NCOA1: variants seen among roughly 807,000 people sequenced by gnomAD.
NCOA1 encodes the protein nuclear receptor coactivator 1, also known as Hin-2 protein.
A neutral mutation model predicts 150.9 loss-of-function variants in NCOA1; 35 were observed. The ratio of observed to expected loss-of-function variants is 0.23; its 90% CI spans 0.18 to 0.31. The LOEUF is 0.31. Ranked by LOEUF, NCOA1 falls within the 10% of genes least tolerant of loss-of-function variation. NCOA1 has a pLI of 1.00. For missense variants in NCOA1, 1,491 were observed against 1,749.3 expected (o/e 0.85, Z 2.63); for synonymous variants, 590 against 630.0 (o/e 0.94, Z 0.95).
intron 7 of NCOA1, 112 bp downstream of exon 7, chr2:24,673,575 G>C: frequency 3.4e-6 from 2 of 593,104 alleles, no homozygotes; most frequent in East Asian, 7.0e-5. Context: ...ACAAAGTAAA[G>C]AACTTTTTAT....
chr2:24,684,820 A>G (rs952565133), intron 8 of NCOA1, among the ~76,000 whole-genome samples: 3 of 152,202 alleles, frequency 2.0e-5, no homozygotes, highest in African/African-American at 4.8e-5. Flanking sequence ...AACCAATGAG[A>G]TGGTCCCACC....
chr2:24,582,104 C>T (rs909086673), intron 2 of NCOA1, among the ~76,000 whole-genome samples: 1 of 152,096 alleles, frequency 6.6e-6, no homozygotes, highest in Non-Finnish European at 1.5e-5. Flanking sequence ...AAGTCTTAGC[C>T]AGAGCAAATA....
Position 24,770,172 on chromosome 2 carries a change from TC to T in NCOA1, c.*1784del, listed in dbSNP as rs1177211744. 1 of 231,624 alleles carries T rather than the reference TC, an allele frequency of 4.3e-6. No homozygotes were observed. Among genetic ancestry groups the T allele is most frequent in the Non-Finnish European group, 8.6e-6 (1 of 116,846 alleles). 14.3% of individuals were successfully genotyped at this position (231,624 alleles called of 1,614,324 possible). A position where few individuals can be genotyped will look rare whatever the true frequency, so the allele number is the denominator to read the frequency against. Reference sequence around the variant, plus strand: ...CTCCTTTAGTTTTTCAGAAAATGCATCCCTGATTTCATTCATTTCCAGCTTG... The same window carrying T: ...CTCCTTTAGTTTTTCAGAAAATGCATCCTGATTTCATTCATTTCCAGCTTG... On this transcript the variant is annotated 3_prime_UTR_variant, in exon 23 of 23. Coordinates refer to ENST00000348332, the MANE Select transcript of NCOA1 (RefSeq NM_003743.5).
intron 17 of NCOA1, among the ~76,000 whole-genome samples, chr2:24,734,772 C>G (rs1025372069): frequency 9.9e-5 from 15 of 151,890 alleles, no homozygotes; most frequent in Non-Finnish European, 1.5e-5. Flanking sequence ...GCTACTCACT[C>G]CAGCCTGGGT....
chr2:24,757,567 T>C (rs1664563323), intron 20 of NCOA1, among the ~76,000 whole-genome samples: 2 of 152,152 alleles, frequency 1.3e-5, no homozygotes, highest in South Asian at 4.1e-4. Flanking sequence ...ATTCGTGTGT[T>C]AATTCATTCA....
chr2:24,516,977 C>CATAT (rs1246704500), intron 1 of NCOA1, among the ~76,000 whole-genome samples: 1 of 58,968 alleles, frequency 1.7e-5, no homozygotes, highest in Non-Finnish European at 3.8e-5. Context: ...TATATATACA[C>CATAT]ATATACGTAT....
At chr2:24,642,788 A>G (rs1670290727) in intron 3 of NCOA1, among the ~76,000 whole-genome samples, 1 of 152,230 alleles carries the variant, frequency 6.6e-6, no homozygotes, top group South Asian at 2.1e-4. Flanking sequence ...TGGAGCAATA[A>G]AAAGGAATGA....
intron 1 of NCOA1, among the ~76,000 whole-genome samples, chr2:24,520,358 C>G (rs1396233835): frequency 6.6e-6 from 1 of 151,984 alleles, no homozygotes; most frequent in African/African-American, 2.4e-5. Context: ...TCCAAACGTC[C>G]TTAATAGGTA....
At chr2:24,635,158 T>C (rs2148441745) in intron 3 of NCOA1, among the ~76,000 whole-genome samples, 1 of 152,312 alleles carries the variant, frequency 6.6e-6, no homozygotes, top group East Asian at 1.9e-4. Context: ...ATCTGCATCA[T>C]TCTTCCCCCC....
intron 8 of NCOA1, among the ~76,000 whole-genome samples, chr2:24,685,579 G>A (rs941923033): frequency 6.6e-6 from 1 of 152,168 alleles, no homozygotes; most frequent in East Asian, 1.9e-4. Flanking sequence ...GTGCTTAAGA[G>A]CATAGCCTTT....
At chr2:24,705,000 G>C in intron 11 of NCOA1, 86 bp from the exon 12 acceptor site, 1 of 1,432,512 alleles carries the variant, frequency 7.0e-7, no homozygotes. Flanking sequence ...TTAAAATGAG[G>C]TTCTAAGTAG....
At chr2:24,506,224 C>T (rs771472247) in intron 1 of NCOA1, among the ~76,000 whole-genome samples, 1 of 151,886 alleles carries the variant, frequency 6.6e-6, no homozygotes, top group African/African-American at 2.4e-5. Flanking sequence ...AAATTTTTTT[C>T]CAGGTCTCGG....
At chr2:24,749,068 T>C (rs1052651570) in intron 19 of NCOA1, among the ~76,000 whole-genome samples, 3 of 152,268 alleles carry the variant, frequency 2.0e-5, no homozygotes, top group East Asian at 1.9e-4. Context: ...CATTAAACAT[T>C]AAACATTTTT....
At chr2:24,567,804 G>A (rs1308658411) in intron 2 of NCOA1, among the ~76,000 whole-genome samples, 1 of 152,152 alleles carries the variant, frequency 6.6e-6, no homozygotes, top group African/African-American at 2.4e-5. Flanking sequence ...GCTAGAGTGT[G>A]TGGTGGCATG....
At chr2:24,576,170 G>GTTTTTTTTTTTTTT (rs869093026) in intron 2 of NCOA1, among the ~76,000 whole-genome samples, 17 of 46,266 alleles carry the variant, frequency 3.7e-4, no homozygotes, top group South Asian at 8.5e-4. Context: ...TTTGTTTTTT[G>GTTTTTTTTTTTTTT]TTTTTTTTTT....
intron 12 of NCOA1, among the ~76,000 whole-genome samples, chr2:24,706,094 C>T (rs1444466979): frequency 6.6e-6 from 1 of 151,926 alleles, no homozygotes; most frequent in Non-Finnish European, 1.5e-5. Flanking sequence ...TTTTCCTTAC[C>T]CAGTCTTCCT....
rs943537049 is a variant in NCOA1 at position 24,611,267 on chromosome 2, A to T, written c.-175+26707A>T. On this transcript the variant is annotated intron_variant, in intron 3 of 22. Transcript: ENST00000348332. ...AATGGCCTACATCCACGTTGTCGCAAGTGGCATGATTTTATTTTCTTTTAC... is the reference window on the plus strand; with the variant it reads ...AATGGCCTACATCCACGTTGTCGCATGTGGCATGATTTTATTTTCTTTTAC... Among the ~76,000 whole-genome samples, 27 of 152,168 alleles carry T rather than the reference A, an allele frequency of 1.8e-4. 1 individual carries two copies. The highest frequency in any genetic ancestry group is 2.0e-4 in the Admixed American group (3 of 15,264).
Position 24,742,194 on chromosome 2 carries a change from G to T in NCOA1, c.3706+8G>T. The T allele has an allele frequency of 6.2e-7, 1 of 1,602,270 alleles. No homozygotes were observed. Among genetic ancestry groups the T allele is most frequent in the Non-Finnish European group, 8.5e-7 (1 of 1,173,982 alleles). ...TCCAGTATCCAGGAGCAGGTAGGAAGGTCACAACTTTATGTTGTTCTAAGT... is the reference window on the plus strand; with the variant it reads ...TCCAGTATCCAGGAGCAGGTAGGAATGTCACAACTTTATGTTGTTCTAAGT... On this transcript the variant is annotated splice_region_variant and intron_variant, in intron 19 of 22. Coordinates refer to ENST00000348332, the MANE Select transcript of NCOA1 (RefSeq NM_003743.5).
chr2:24,585,159 C>T (rs531789695), intron 3 of NCOA1, among the ~76,000 whole-genome samples: 1 of 152,138 alleles, frequency 6.6e-6, no homozygotes, highest in African/African-American at 2.4e-5. Context: ...TGTTCCCCCA[C>T]CCTAGTGTTT....
Sources: allele counts gnomAD v4.1 joint callset (sites outside exome capture counted in the v4.1 genomes callset), GRCh38; gene constraint gnomAD v4.1.1; transcripts MANE v1.5; gene names NCBI Gene and HGNC (gene_info 2026-07-23, HGNC 2026-07-21).